The following GALNT13 variants were observed in gnomAD, a reference collection of about 807,000 sequenced individuals.
The protein encoded by GALNT13 is polypeptide N-acetylgalactosaminyltransferase 13, also known as UDP-GalNAc:polypeptide N-acetylgalactosaminyltransferase 13.
GALNT13 carries 28 observed loss-of-function variants against 64.2 expected under a neutral mutation model. The observed-to-expected ratio is 0.44, with a 90% CI of 0.32 to 0.60. GALNT13 has a LOEUF of 0.60. GALNT13 is among the 20% of genes least tolerant of loss of function. The pLI is 0.05. For synonymous variants in GALNT13, 214 were observed against 224.6 expected (o/e 0.95, Z 0.42); for missense variants, 577 against 669.8 (o/e 0.86, Z 1.53).
chr2:153,642,162 T>G, the GALNT13 span, among the ~76,000 whole-genome samples: 1 of 152,108 alleles, frequency 6.6e-6, no homozygotes, highest in Middle Eastern at 3.4e-3. Context: ...ATTGTCATTA[T>G]TTTCTAATAT....
chr2:153,809,580 G>T, the GALNT13 span, among the ~76,000 whole-genome samples: 4 of 152,068 alleles, frequency 2.6e-5, no homozygotes, highest in Non-Finnish European at 5.9e-5. Context: ...TTAATCATAT[G>T]CCCACCCCTA....
chr2:153,119,025 A>G, the GALNT13 span, among the ~76,000 whole-genome samples: 1 of 152,014 alleles, frequency 6.6e-6, no homozygotes, highest in East Asian at 1.9e-4. Context: ...TTATAGTTTT[A>G]TAAGGGACTT....
chr2:153,702,240 T>C, the GALNT13 span, among the ~76,000 whole-genome samples: 1 of 151,882 alleles, frequency 6.6e-6, no homozygotes, highest in East Asian at 1.9e-4. Context: ...CAAACCAACA[T>C]AGGAACAGAA....
the GALNT13 span, among the ~76,000 whole-genome samples, chr2:153,086,238 G>A: frequency 6.6e-6 from 1 of 152,134 alleles, no homozygotes; most frequent in South Asian, 2.1e-4. Context: ...ACTTTCTACT[G>A]TGGACTTTTG....
chr2:153,697,653 T>C, the GALNT13 span, among the ~76,000 whole-genome samples: 58 of 152,312 alleles, frequency 3.8e-4, no homozygotes, highest in South Asian at 0.011. Flanking sequence ...AGCTTAGCAA[T>C]TGAGGCTATG....
At chr2:153,704,735 G>A in the GALNT13 span, among the ~76,000 whole-genome samples, 1 of 152,118 alleles carries the variant, frequency 6.6e-6, no homozygotes, top group African/African-American at 2.4e-5. Context: ...TTTCCAATCA[G>A]ATAGAAAATG....
the GALNT13 span, among the ~76,000 whole-genome samples, chr2:153,809,906 C>G: frequency 1.3e-5 from 2 of 152,072 alleles, no homozygotes; most frequent in African/African-American, 4.8e-5. Context: ...TTCTCCCTTC[C>G]CAAACATTTG....
chr2:153,490,959 C>CA, the GALNT13 span, among the ~76,000 whole-genome samples: 10,921 of 95,874 alleles, frequency 0.11, 1,004 homozygotes, highest in East Asian at 0.54. Flanking sequence ...GACTCTGTCT[C>CA]AAAAAAAAAA....
intron 10 of GALNT13, among the ~76,000 whole-genome samples, chr2:154,406,198 G>A (rs1394246595): frequency 3.9e-5 from 6 of 152,094 alleles, no homozygotes; most frequent in Non-Finnish European, 8.8e-5. Flanking sequence ...CGATTCAATG[G>A]AAAGTTCCAG....
chr2:153,809,058 T>C, the GALNT13 span, among the ~76,000 whole-genome samples: 1 of 152,224 alleles, frequency 6.6e-6, no homozygotes, highest in Non-Finnish European at 1.5e-5. Flanking sequence ...CCTAGTAAAT[T>C]GACTTGCTTT....
the GALNT13 span, among the ~76,000 whole-genome samples, chr2:153,305,970 G>A: frequency 3.9e-5 from 6 of 152,302 alleles, no homozygotes; most frequent in East Asian, 7.7e-4. Context: ...GAGGGCAAAC[G>A]TTGGAATGGT....
At chr2:154,184,772 AG>A (rs1184949036) in intron 4 of GALNT13, among the ~76,000 whole-genome samples, 2 of 152,252 alleles carry the variant, frequency 1.3e-5, no homozygotes, top group Admixed American at 1.3e-4. Context: ...TATTACTGCA[AG>A]GACAGTGCCA....
At chr2:153,528,940 A>G in the GALNT13 span, among the ~76,000 whole-genome samples, 3 of 151,942 alleles carry the variant, frequency 2.0e-5, no homozygotes, top group African/African-American at 4.8e-5. Context: ...AGAGGGAAGT[A>G]TATAGCTATA....
intron 11 of GALNT13, chr2:154,436,189 A>T (rs1700960203): frequency 6.6e-6 from 1 of 152,050 alleles, no homozygotes; most frequent in East Asian, 1.9e-4. Context: ...TTTTTCAAGT[A>T]CAAAGGCCAA....
chr2:154,442,164 T>A (rs1701329679), intron 12 of GALNT13, among the ~76,000 whole-genome samples: 1 of 152,134 alleles, frequency 6.6e-6, no homozygotes, highest in Non-Finnish European at 1.5e-5. Flanking sequence ...ATTTTTTTAA[T>A]AGGGGGAAAG....
chr2:153,223,691 A>C, the GALNT13 span, among the ~76,000 whole-genome samples: 1 of 152,222 alleles, frequency 6.6e-6, no homozygotes, highest in Non-Finnish European at 1.5e-5. Context: ...GGGCAGGCAC[A>C]GTGGCTCATG....
chr2:154,318,817 A>G (rs1016182895), intron 9 of GALNT13, among the ~76,000 whole-genome samples: 1 of 152,058 alleles, frequency 6.6e-6, no homozygotes, highest in African/African-American at 2.4e-5. Flanking sequence ...GAATCACCCA[A>G]TGGTTAAACA....
the GALNT13 span, among the ~76,000 whole-genome samples, chr2:153,296,849 T>TA: frequency 6.6e-6 from 1 of 152,108 alleles, no homozygotes; most frequent in Admixed American, 6.6e-5. Context: ...TGTTTTTCTT[T>TA]AAAAAAAATT....
At chr2:153,475,773 T>G in the GALNT13 span, among the ~76,000 whole-genome samples, 1 of 152,168 alleles carries the variant, frequency 6.6e-6, no homozygotes, top group Admixed American at 6.5e-5. Flanking sequence ...GGTGAGCTAA[T>G]AAATCTTCCA....
Sources: gnomAD v4.1 joint callset for allele counts (sites outside exome capture counted in the v4.1 genomes callset) on GRCh38, gnomAD v4.1.1 for gene constraint, MANE v1.5 for transcripts, NCBI Gene and HGNC (gene_info 2026-07-23, HGNC 2026-07-21) for gene names.